Variants in NCBP1 observed in about 807,000 individuals in gnomAD.
NCBP1 encodes nuclear cap binding protein subunit 1, also known as nuclear cap-binding protein subunit 1.
NCBP1 carries 16 observed loss-of-function variants against 111.7 expected under a neutral mutation model. That is an observed-to-expected ratio of 0.14 (90% CI 0.10 to 0.22). The LOEUF is 0.22. Among genes scored for constraint, NCBP1 ranks in the 10% least tolerant of loss-of-function variants. The pLI, the probability that NCBP1 is intolerant of heterozygous loss-of-function variation, is 1.00. For missense variants in NCBP1, 607 were observed against 957.5 expected (o/e 0.63, Z 4.83); for synonymous variants, 304 against 314.3 (o/e 0.97, Z 0.35).
chr9:97,660,855 T>A lies in NCBP1; in HGVS notation c.1478-91T>A, dbSNP rs1355686720. 6.3e-6 allele frequency: 9 copies of A among 1,438,100 alleles called. No individual in the cohort carries two copies. In the Admixed American group the frequency reaches 7.4e-5, roughly 12 times the overall value. 89.1% of individuals were successfully genotyped at this position (1,438,100 alleles called of 1,614,324 possible). A position where few individuals can be genotyped will look rare whatever the true frequency, so the allele number is the denominator to read the frequency against. On this transcript the variant is annotated intron_variant, in intron 15 of 22. Coordinates refer to ENST00000375147, the MANE Select transcript of NCBP1 (RefSeq NM_002486.5). ...GCATCCTATTTTGAAAGGAAGAATT[T>A]AAAAAAAATTTTTCTCAGTTATTTA...
rs1428661941 is a variant in NCBP1, at chr9:97,633,946, G to A, written c.34+31G>A. The A allele has an allele frequency of 3.8e-6, 6 of 1,565,456 alleles. No homozygotes were observed. The South Asian group carries it at 4.6e-5, about 12-fold the overall frequency. On this transcript the variant is annotated intron_variant, in intron 1 of 22. Transcript: ENST00000375147. ...TGCCTGCGGCCCGGCCACGGAGGCCGCTCCCGGTTGGGAGCCGAGGCTCGG... is the reference window on the plus strand; with the variant it reads ...TGCCTGCGGCCCGGCCACGGAGGCCACTCCCGGTTGGGAGCCGAGGCTCGG...
At chr9:97,633,949 C>A in intron 1 of NCBP1, 34 bp downstream of exon 1, 1 of 1,564,460 alleles carries the variant, frequency 6.4e-7, no homozygotes, top group Non-Finnish European at 8.6e-7. Context: ...GGAGGCCGCT[C>A]CCGGTTGGGA....
intron 1 of NCBP1, among the ~76,000 whole-genome samples, chr9:97,637,443 C>G (rs1303986372): frequency 6.6e-6 from 1 of 152,168 alleles, no homozygotes; most frequent in Non-Finnish European, 1.5e-5. Context: ...AATACGAATA[C>G]AATTTTGGGA....
At position 97,671,097 on chromosome 9, in the gene NCBP1, A is replaced by C; in HGVS notation, c.2271A>C (p.Ile757=). The C allele has an allele frequency of 6.2e-7, 1 of 1,608,628 alleles. No homozygotes were observed. Among genetic ancestry groups the C allele is most frequent in the Non-Finnish European group, 8.5e-7 (1 of 1,175,206 alleles). ...LQQIFLQHHQ[I]IQQYMVTLEN... ...TTGTGTGTCCACAGCATCACCAAATAATCCAGCAGTACATGGTGACCCTGG... is the reference window on the plus strand; with the variant it reads ...TTGTGTGTCCACAGCATCACCAAATCATCCAGCAGTACATGGTGACCCTGG... Residue 757 remains isoleucine, a synonymous_variant, in exon 23 of 23, where the codon ATA becomes ATC. Coordinates refer to ENST00000375147, the MANE Select transcript of NCBP1 (RefSeq NM_002486.5).
At chr9:97,669,989 C>T in intron 22 of NCBP1, 1 of 446,552 alleles carries the variant, frequency 2.2e-6, no homozygotes, top group Non-Finnish European at 4.1e-6. Context: ...GTGACACGAT[C>T]TCAGCTCACT....
At chr9:97,665,423 T>C (rs920706300) in intron 19 of NCBP1, among the ~76,000 whole-genome samples, 4 of 152,230 alleles carry the variant, frequency 2.6e-5, no homozygotes, top group Non-Finnish European at 5.9e-5. Flanking sequence ...CAGAGTGCTT[T>C]ATCCTGCCCA....
At chr9:97,648,532 T>C (rs148245931) in intron 8 of NCBP1, among the ~76,000 whole-genome samples, 58 of 152,324 alleles carry the variant, frequency 3.8e-4, no homozygotes, top group African/African-American at 1.3e-3. Context: ...CTAGCTGTGT[T>C]AATTTGGGAA....
intron 4 of NCBP1, 46 bp from the exon 5 acceptor site, chr9:97,645,071 A>T: frequency 1.4e-6 from 2 of 1,389,844 alleles, no homozygotes; most frequent in Non-Finnish European, 1.0e-6. Context: ...TGTAGTTATT[A>T]TAAAGAACAT....
intron 11 of NCBP1, among the ~76,000 whole-genome samples, chr9:97,654,610 T>C (rs971245746): frequency 6.6e-6 from 1 of 151,338 alleles, no homozygotes; most frequent in Admixed American, 6.6e-5. Flanking sequence ...AATGAAACAA[T>C]GTATGCCTGT....
intron 7 of NCBP1, 104 bp from the exon 8 acceptor site, chr9:97,647,904 G>A (rs1266266245): frequency 9.9e-7 from 1 of 1,008,130 alleles, no homozygotes; most frequent in African/African-American, 1.6e-5. Context: ...CATCTTACAA[G>A]TTAGCTTACT....
At chr9:97,636,826 A>G (rs904352521) in intron 1 of NCBP1, among the ~76,000 whole-genome samples, 4 of 151,940 alleles carry the variant, frequency 2.6e-5, no homozygotes, top group Non-Finnish European at 4.4e-5. Flanking sequence ...GACAGGCGCT[A>G]TGGAGTGATA....
At chr9:97,661,897 G>C (rs571591338) in intron 16 of NCBP1, 145 bp from the exon 17 acceptor site, 21 of 483,522 alleles carry the variant, frequency 4.3e-5, no homozygotes, top group Non-Finnish European at 7.6e-5. Flanking sequence ...AATCAGTGAC[G>C]GTCTTTTATT....
intron 20 of NCBP1, among the ~76,000 whole-genome samples, chr9:97,667,934 T>G (rs1828057351): frequency 6.6e-6 from 1 of 152,210 alleles, no homozygotes; most frequent in Admixed American, 6.5e-5. Flanking sequence ...GAAAGGACAG[T>G]CGTGTACCCA....
At chr9:97,667,418 G>A (rs10120102) in intron 20 of NCBP1, among the ~76,000 whole-genome samples, 33,566 of 152,026 alleles carry the variant, frequency 0.22, 4,550 homozygotes, top group Non-Finnish European at 0.31. Flanking sequence ...AGTAGAAGGT[G>A]AAAAAAAGTT....
rs761831343 is a variant in NCBP1, at chr9:97,660,524, C to T, written c.1478-422C>T. ...TGTTGAGACTCAGACTTCATTTCCA[C>T]GGTCCCGAGGAAAGAAAGAGGAAGT... is the stretch of plus-strand genomic sequence containing the variant. On this transcript the variant is annotated intron_variant, in intron 15 of 22. Transcript: ENST00000375147. Among the ~76,000 whole-genome samples, 11 of 152,164 alleles carry T rather than the reference C, an allele frequency of 7.2e-5. No individual in the cohort carries two copies. In the East Asian group the frequency reaches 7.7e-4, roughly 11 times the overall value.
chr9:97,670,089 A>C, intron 22 of NCBP1: 1 of 329,548 alleles, frequency 3.0e-6, no homozygotes, highest in South Asian at 2.6e-5. Flanking sequence ...CTCCTGCCTG[A>C]TTTTTGTATT....
chr9:97,659,631 C>G (rs570085715), intron 15 of NCBP1, among the ~76,000 whole-genome samples: 8 of 152,176 alleles, frequency 5.3e-5, no homozygotes, highest in Non-Finnish European at 8.8e-5. Context: ...GGTGCACTAA[C>G]TGAGTGGCCA....
intron 6 of NCBP1, among the ~76,000 whole-genome samples, chr9:97,646,768 C>T (rs111324671): frequency 0.011 from 1,502 of 142,994 alleles, 24 homozygotes; most frequent in African/African-American, 0.038. Flanking sequence ...ACCCAGGAGA[C>T]GGAGGTTGCA....
chr9:97,636,397 G>A (rs917507860), intron 1 of NCBP1, among the ~76,000 whole-genome samples: 2 of 150,216 alleles, frequency 1.3e-5, no homozygotes, highest in South Asian at 4.2e-4. Flanking sequence ...GTCAGTCACT[G>A]CCCTGACTTT....
Sources: gnomAD v4.1 joint callset for allele counts (sites outside exome capture counted in the v4.1 genomes callset) on GRCh38, gnomAD v4.1.1 for gene constraint, MANE v1.5 for transcripts, NCBI Gene and HGNC (gene_info 2026-07-23, HGNC 2026-07-21) for gene names.